Variants in FTO observed in about 807,000 individuals in gnomAD.
FTO encodes the protein FTO alpha-ketoglutarate dependent dioxygenase.
In FTO, 47 loss-of-function variants were observed where a neutral mutation model predicts 63.9. The ratio of observed to expected loss-of-function variants is 0.74; its 90% CI spans 0.58 to 0.94. FTO has a LOEUF of 0.94. Ranked by LOEUF, FTO falls within the 40% of genes least tolerant of loss-of-function variation. The pLI, the probability that FTO is intolerant of heterozygous loss-of-function variation, is 0.00. For synonymous variants in FTO, 207 were observed against 224.4 expected (o/e 0.92, Z 0.69); for missense variants, 562 against 618.1 (o/e 0.91, Z 0.96).
intron 4 of FTO, among the ~76,000 whole-genome samples, chr16:53,870,301 T>C (rs2080458696): frequency 6.6e-6 from 1 of 152,188 alleles, no homozygotes; most frequent in African/African-American, 2.4e-5. Flanking sequence ...ATCTTCACTG[T>C]GAGAACCTGT....
At chr16:53,753,107 G>T (rs934407916) in intron 1 of FTO, among the ~76,000 whole-genome samples, 5 of 151,740 alleles carry the variant, frequency 3.3e-5, no homozygotes, top group African/African-American at 1.2e-4. Flanking sequence ...CAAAATATTT[G>T]CTGTGCATGA....
intron 8 of FTO, among the ~76,000 whole-genome samples, chr16:54,018,276 A>T (rs1472195736): frequency 1.3e-5 from 2 of 152,134 alleles, no homozygotes; most frequent in Non-Finnish European, 2.9e-5. Context: ...CTCCAAAAGG[A>T]TGGTACCAAT....
chr16:53,964,333 A>G (rs1171440546), intron 8 of FTO, among the ~76,000 whole-genome samples: 3 of 152,162 alleles, frequency 2.0e-5, no homozygotes, highest in Non-Finnish European at 4.4e-5. Flanking sequence ...GTAAAACTTT[A>G]TTTACTAAAA....
intron 8 of FTO, among the ~76,000 whole-genome samples, chr16:54,004,509 A>G (rs1387814337): frequency 6.6e-6 from 1 of 152,170 alleles, no homozygotes; most frequent in Non-Finnish European, 1.5e-5. Flanking sequence ...TTCAAATCGC[A>G]TTTGATGTTT....
intron 1 of FTO, among the ~76,000 whole-genome samples, chr16:53,791,545 A>G (rs1276996408): frequency 1.3e-5 from 2 of 152,218 alleles, no homozygotes; most frequent in African/African-American, 4.8e-5. Context: ...TGATGAAATT[A>G]CATATATGAT....
intron 1 of FTO, among the ~76,000 whole-genome samples, chr16:53,777,308 CT>C (rs1391040050): frequency 6.6e-6 from 1 of 152,072 alleles, no homozygotes; most frequent in Non-Finnish European, 1.5e-5. Context: ...AGATCTGTAC[CT>C]GGCTTATTTC....
intron 8 of FTO, among the ~76,000 whole-genome samples, chr16:54,081,812 C>G (rs146792781): frequency 5.1e-4 from 78 of 152,284 alleles, no homozygotes; most frequent in African/African-American, 1.8e-3. Context: ...ACTAGAACCC[C>G]ATTCTGATGA....
chr16:53,876,478 C>T (rs1376623688), intron 5 of FTO, among the ~76,000 whole-genome samples: 1 of 152,016 alleles, frequency 6.6e-6, no homozygotes, highest in Non-Finnish European at 1.5e-5. Flanking sequence ...TCAAAGGGTA[C>T]CATAAAGAAA....
At chr16:53,787,084 C>A (rs9927317) in intron 1 of FTO, among the ~76,000 whole-genome samples, 8,178 of 131,212 alleles carry the variant, frequency 0.062, 896 homozygotes, top group African/African-American at 0.23. Context: ...GCACTCTAGC[C>A]TGGGCAACAG....
rs557328595 is a variant in FTO at position 53,971,862 on chromosome 16, C to T, written c.1364+37753C>T. On this transcript the variant is annotated intron_variant, in intron 8 of 8. Coordinates refer to ENST00000471389, the MANE Select transcript of FTO (RefSeq NM_001080432.3). ...AAGCCATCTAATAAAATCCCATCCG[C>T]GCTGTTCTATGAAATGCAGTCACAA... 1.8e-4 allele frequency among the ~76,000 whole-genome samples: 28 copies of T among 152,304 alleles called. 1 individual carries two copies. Among genetic ancestry groups the T allele is most frequent in the South Asian group, 8.3e-4 (4 of 4,828 alleles).
intron 8 of FTO, among the ~76,000 whole-genome samples, chr16:53,936,779 T>C (rs1168933844): frequency 2.0e-5 from 3 of 152,260 alleles, no homozygotes; most frequent in East Asian, 3.8e-4. Context: ...CACATGACTC[T>C]AATTACCTTA....
In FTO at chr16:53,879,838, C is replaced by T; in HGVS notation, c.976-6C>T. On this transcript the variant is annotated splice_polypyrimidine_tract_variant and splice_region_variant and intron_variant, in intron 5 of 8. Coordinates refer to ENST00000471389, the MANE Select transcript of FTO (RefSeq NM_001080432.3). Reference sequence around the variant, plus strand: ...ATAATTGTGATTGCTGGTTCTGTCTCAACAGTGCTCAACAGGAACCTTGGA... The same window carrying T: ...ATAATTGTGATTGCTGGTTCTGTCTTAACAGTGCTCAACAGGAACCTTGGA... 1 of 1,613,740 alleles carries T rather than the reference C, an allele frequency of 6.2e-7. No homozygotes were observed. Among genetic ancestry groups the T allele is most frequent in the Non-Finnish European group, 8.5e-7 (1 of 1,179,822 alleles).
intron 8 of FTO, among the ~76,000 whole-genome samples, chr16:54,064,462 A>G (rs1372891975): frequency 1.1e-4 from 16 of 152,240 alleles, no homozygotes; most frequent in Admixed American, 8.5e-4. Flanking sequence ...CTGAATTTCC[A>G]GAAGCCTTAT....
intron 7 of FTO, among the ~76,000 whole-genome samples, chr16:53,905,900 G>A (rs925590484): frequency 3.3e-5 from 5 of 152,108 alleles, no homozygotes; most frequent in African/African-American, 1.2e-4. Context: ...TGTGATATTT[G>A]TTGAATGCCT....
chr16:54,035,048 G>A (rs2084913401), intron 8 of FTO, among the ~76,000 whole-genome samples: 1 of 152,196 alleles, frequency 6.6e-6, no homozygotes, highest in Non-Finnish European at 1.5e-5. Flanking sequence ...AAAATACAGA[G>A]TTGATTCCAA....
intron 1 of FTO, among the ~76,000 whole-genome samples, chr16:53,706,784 T>G (rs1162568814): frequency 6.6e-6 from 1 of 152,236 alleles, no homozygotes; most frequent in East Asian, 1.9e-4. Context: ...GCCCACTGTA[T>G]GGAGATACCA....
chr16:53,889,564 T>TCCAGAGGAGGGAGTATTACATTCAGAC (rs1425908294), intron 7 of FTO, among the ~76,000 whole-genome samples: 1 of 152,122 alleles, frequency 6.6e-6, no homozygotes, highest in East Asian at 1.9e-4. Flanking sequence ...AAATCATAGT[T>TCCAGAGGAGGGAGTATTACATTCAGAC]CCAGAGGAGG....
intron 8 of FTO, among the ~76,000 whole-genome samples, chr16:53,942,827 T>G (rs1221218017): frequency 6.6e-6 from 1 of 152,188 alleles, no homozygotes; most frequent in African/African-American, 2.4e-5. Context: ...GCTGCTATCA[T>G]TCATGCTAAA....
chr16:54,051,870 T>C (rs1166912524), intron 8 of FTO, among the ~76,000 whole-genome samples: 1 of 152,180 alleles, frequency 6.6e-6, no homozygotes, highest in East Asian at 1.9e-4. Flanking sequence ...AGTTCTTTAA[T>C]AGGTAGATAT....
Sources: gnomAD v4.1 joint callset for allele counts (sites outside exome capture counted in the v4.1 genomes callset) on GRCh38, gnomAD v4.1.1 for gene constraint, MANE v1.5 for transcripts, NCBI Gene and HGNC (gene_info 2026-07-23, HGNC 2026-07-21) for gene names.